The following GPX5 variants were observed in gnomAD, a reference collection of about 807,000 sequenced individuals.
GPX5 encodes the protein epididymal secretory glutathione peroxidase.
A neutral mutation model predicts 23.8 loss-of-function variants in GPX5; 20 were observed. That is an observed-to-expected ratio of 0.84 (90% confidence interval 0.59 to 1.22). The LOEUF (loss-of-function observed/expected upper bound fraction) is 1.22. GPX5 is among the 50% of genes most tolerant of loss of function. The probability of loss-of-function intolerance (pLI) is 0.00; values close to 1 mark genes in which losing one functional copy is unlikely to be tolerated. For missense variants in GPX5, 230 were observed against 266.6 expected, an observed-to-expected ratio of 0.86 and a Z score of 0.96; for synonymous variants, 92 against 99.5, an observed-to-expected ratio of 0.92 and a Z score of 0.45.
At chr6:28,532,271 CT>C (rs754590413) in intron 3 of GPX5, 49 bp from the exon 4 acceptor site, 1 of 1,106,346 alleles carries the variant, frequency 9.0e-7, no homozygotes, top group South Asian at 1.6e-5. Flanking sequence ...CCATTATAAT[CT>C]TTACTTGCAT....
Position 28,534,113 on chromosome 6 carries a change from C to T in GPX5, c.612C>T (p.Val204=), listed in dbSNP as rs747189329. 6.8e-6 allele frequency: 11 copies of T among 1,609,626 alleles called. No individual in the cohort carries two copies. Among genetic ancestry groups the T allele is most frequent in the Non-Finnish European group, 9.3e-6 (11 of 1,178,302 alleles). The change falls in exon 5 of 5, where the codon GTC becomes GTT. Residue 204 remains valine, a synonymous_variant. Transcript: ENST00000412168. ...TGCGCTGGTCCCACCGGGCTACGGTCAGCTCAGTCAAGACAGACATCCTGG... is the reference window on the plus strand; with the variant it reads ...TGCGCTGGTCCCACCGGGCTACGGTTAGCTCAGTCAAGACAGACATCCTGG... The part of the protein sequence containing the change: ...PVMRWSHRAT[V]SSVKTDILAY...
chr6:28,532,725 G>A (rs953446152), intron 4 of GPX5, among the ~76,000 whole-genome samples: 1 of 152,138 alleles, frequency 6.6e-6, no homozygotes, highest in Non-Finnish European at 1.5e-5. Context: ...ATGAATGCCC[G>A]CTACTTATAA....
intron 4 of GPX5, among the ~76,000 whole-genome samples, chr6:28,532,992 G>A (rs1270388974): frequency 5.9e-5 from 9 of 152,192 alleles, no homozygotes; most frequent in African/African-American, 1.4e-4. Context: ...GTGGTGGCAC[G>A]TACCTGTAGT....
chr6:28,527,107 C>T (rs919421115), intron 1 of GPX5: 5 of 152,244 alleles, frequency 3.3e-5, no homozygotes, highest in South Asian at 4.1e-4. Context: ...AATTGAGACA[C>T]GTTATATGGA....
intron 3 of GPX5, 107 bp downstream of exon 3, chr6:28,532,002 T>C (rs989947892): frequency 1.2e-6 from 1 of 802,532 alleles, no homozygotes; most frequent in Non-Finnish European, 2.1e-6. Context: ...ATTAATAGGC[T>C]CAGGGGCATT....
chr6:28,534,359 C>T lies in GPX5; in HGVS notation c.*192C>T, dbSNP rs940224426. On this transcript the variant is annotated 3_prime_UTR_variant, in exon 5 of 5. Coordinates refer to ENST00000412168, the MANE Select transcript of GPX5 (RefSeq NM_001509.3). ...AACTAGATTTATATTTGGAAGGCTA[C>T]TGCTCTTTTGCCTCTCAAGAGTATG... 2 of 460,780 alleles carry T rather than the reference C, an allele frequency of 4.3e-6. No individual in the cohort carries two copies. Among genetic ancestry groups the T allele is most frequent in the East Asian group, 6.7e-5 (2 of 29,814 alleles). 28.5% of individuals were successfully genotyped at this position (460,780 alleles called of 1,614,324 possible).
At chr6:28,528,772 A>G (rs1763252261) in intron 1 of GPX5, among the ~76,000 whole-genome samples, 1 of 146,486 alleles carries the variant, frequency 6.8e-6, no homozygotes, top group South Asian at 2.2e-4. Context: ...GGGAGTGTAC[A>G]TAGTAAGTGT....
chr6:28,525,996 A>G lies in GPX5; in HGVS notation c.-18A>G. 6.3e-7 allele frequency: 1 copy of G among 1,582,284 alleles called. No individual in the cohort carries two copies. The highest frequency in any genetic ancestry group is 8.7e-7 in the Non-Finnish European group (1 of 1,152,396). ...AAAGACCTCAGGCCCCCAGACTAGC[A>G]ATCTACAAACACTAGTCATGACTAC... On this transcript the variant is annotated 5_prime_UTR_variant, in exon 1 of 5. Coordinates refer to ENST00000412168, the MANE Select transcript of GPX5 (RefSeq NM_001509.3).
intron 3 of GPX5, 87 bp downstream of exon 3, chr6:28,531,982 G>A: frequency 2.1e-6 from 2 of 938,116 alleles, no homozygotes; most frequent in Non-Finnish European, 3.4e-6. Flanking sequence ...AACTTTCTGG[G>A]GAGGTATGGA....
At chr6:28,531,927 G>A (rs769306018) in intron 3 of GPX5, 32 bp downstream of exon 3, 19 of 1,466,204 alleles carry the variant, frequency 1.3e-5, no homozygotes, top group South Asian at 2.3e-5. Context: ...AATAGGAGGC[G>A]CCTGTGTACC....
rs768827801 is a variant in GPX5, at chr6:28,531,862, C to G, written c.326C>G (p.Pro109Arg). 10 of 1,613,742 alleles carry G rather than the reference C, an allele frequency of 6.2e-6. No homozygotes were observed. The South Asian group carries it at 1.1e-4, about 18-fold the overall frequency. ...FPCNQFGKQE[P>R]GDNKEILPGL... ...TGCAACCAATTTGGAAAGCAAGAAC[C>G]AGGAGATAACAAAGAGATTCTTCCT... is the stretch of plus-strand genomic sequence containing the variant. The change falls in exon 3 of 5, where the codon CCA becomes CGA. Residue 109 changes from proline to arginine, a missense_variant. By Grantham distance (103) the Pro-to-Arg change is moderately radical (BLOSUM62 -2). Coordinates refer to ENST00000412168, the MANE Select transcript of GPX5 (RefSeq NM_001509.3).
In GPX5 at chr6:28,526,009, TA is replaced by T. The variant is rs759650155; in HGVS notation, c.-4del. 3 of 1,608,498 alleles carry T rather than the reference TA, an allele frequency of 1.9e-6. No individual in the cohort carries two copies. The Admixed American group carries it at 5.0e-5, about 27-fold the overall frequency. On this transcript the variant is annotated 5_prime_UTR_variant, in exon 1 of 5. Transcript: ENST00000412168. The stretch of plus-strand genomic sequence containing the variant: ...CCCCAGACTAGCAATCTACAAACAC[TA>T]GTCATGACTACACAGTTAAGGGTCG...
chr6:28,530,379 T>G (rs1389767331), intron 2 of GPX5, among the ~76,000 whole-genome samples: 1 of 152,232 alleles, frequency 6.6e-6, no homozygotes. Flanking sequence ...CTTCTTATAT[T>G]TGAAGTAATA....
intron 1 of GPX5, 164 bp from the exon 2 acceptor site, chr6:28,529,287 A>C: frequency 4.3e-6 from 2 of 467,238 alleles, no homozygotes; most frequent in Non-Finnish European, 7.3e-6. Context: ...TTTATTTCCA[A>C]GTTACAAGAA....
intron 2 of GPX5, chr6:28,530,250 A>G (rs2113632432): frequency 6.6e-6 from 1 of 152,274 alleles, no homozygotes; most frequent in African/African-American, 2.4e-5. Flanking sequence ...CCTTTTTAGG[A>G]TGTAGTTTTT....
At chr6:28,529,262 T>C in intron 1 of GPX5, 189 bp from the exon 2 acceptor site, 1 of 451,854 alleles carries the variant, frequency 2.2e-6, no homozygotes, top group Non-Finnish European at 3.9e-6. Context: ...CTGCCTGGCT[T>C]ATGAGACTTG....
chr6:28,533,702 ACATGTCTTATC>A (rs1250873582), intron 4 of GPX5, among the ~76,000 whole-genome samples: 1 of 152,242 alleles, frequency 6.6e-6, no homozygotes, highest in Non-Finnish European at 1.5e-5. Context: ...ATAAAAGGTA[ACATGTCTTATC>A]CATGGCAGCA....
rs1273651970 is a variant in GPX5 at position 28,526,068 on chromosome 6, G to A, written c.55G>A (p.Val19Met). ...GCTTCCCCTTCTCCTAGCCTGCTTT[G>A]TGCAAACAAGTCCCAAGCAGGAGAA... ...HLLPLLLACF[V>M]QTSPKQEKMK... is the part of the protein sequence containing the mutation. Residue 19 changes from valine (V) to methionine (M), a missense_variant, in exon 1 of 5, where the codon GTG becomes ATG. Transcript: ENST00000412168. 6 of 1,612,994 alleles carry A rather than the reference G, an allele frequency of 3.7e-6. No homozygotes were observed. Among genetic ancestry groups the A allele is most frequent in the Non-Finnish European group, 4.2e-6 (5 of 1,179,966 alleles).
intron 4 of GPX5, 50 bp downstream of exon 4, chr6:28,532,470 C>A: frequency 1.7e-6 from 2 of 1,206,916 alleles, no homozygotes; most frequent in Non-Finnish European, 2.4e-6. Flanking sequence ...ATATTGCTAA[C>A]ATAGAGTTGG....
Sources: allele counts gnomAD v4.1 joint callset (sites outside exome capture counted in the v4.1 genomes callset), GRCh38; gene constraint gnomAD v4.1.1; transcripts MANE v1.5; gene names NCBI Gene and HGNC (gene_info 2026-07-23, HGNC 2026-07-21).